Variants in PPIH observed in about 807,000 individuals in gnomAD.
The protein encoded by PPIH is peptidyl-prolyl cis-trans isomerase H.
PPIH carries 16 observed loss-of-function variants against 27.6 expected under a neutral mutation model. The observed-to-expected ratio is 0.58, with a 90% CI of 0.39 to 0.88. The LOEUF (loss-of-function observed/expected upper bound fraction) is 0.88. Among genes scored for constraint, PPIH ranks in the 40% least tolerant of loss-of-function variants. The pLI, the probability that PPIH is intolerant of heterozygous loss-of-function variation, is 0.00. For synonymous variants in PPIH, 63 were observed against 76.1 expected (o/e 0.83, Z 0.90); for missense variants, 155 against 224.1 (o/e 0.69, Z 1.97).
intron 9 of PPIH, among the ~76,000 whole-genome samples, chr1:42,676,203 C>T (rs1649873763): frequency 6.6e-6 from 1 of 152,024 alleles, no homozygotes. Flanking sequence ...GGCACGGTGG[C>T]TCATCCCTGT....
intron 9 of PPIH, among the ~76,000 whole-genome samples, chr1:42,675,927 G>T (rs530478003): frequency 1.3e-5 from 2 of 152,240 alleles, no homozygotes; most frequent in South Asian, 4.1e-4. Context: ...GTCTAATTCT[G>T]TGACTTCAGT....
intron 9 of PPIH, among the ~76,000 whole-genome samples, chr1:42,670,781 A>C (rs1044150858): frequency 1.3e-5 from 2 of 151,968 alleles, no homozygotes; most frequent in African/African-American, 4.8e-5. Context: ...TAAACTGTTA[A>C]CTTTTTATTT....
intron 5 of PPIH, among the ~76,000 whole-genome samples, chr1:42,664,486 G>A (rs1467895155): frequency 6.6e-6 from 1 of 152,196 alleles, no homozygotes; most frequent in African/African-American, 2.4e-5. Flanking sequence ...GGGGAATGGG[G>A]TGGTAGTCAC....
Position 42,658,858 on chromosome 1 carries a change from G to T in PPIH, c.81G>T (p.Met27Ile), listed in dbSNP as rs780070320. ...VSIGGQEVGRMKIELFADVVP... is the reference protein window; with the variant it reads ...VSIGGQEVGRIKIELFADVVP... ...GCTGATTGCAGGAAGTTGGCCGCATGAAGATCGAGCTCTTTGCAGACGTTG... is the reference window on the plus strand; with the variant it reads ...GCTGATTGCAGGAAGTTGGCCGCATTAAGATCGAGCTCTTTGCAGACGTTG... Residue 27 changes from methionine to isoleucine, a missense_variant, in exon 2 of 10, where the codon ATG (methionine) becomes ATT (isoleucine). By Grantham distance (10) the Met-to-Ile change is conservative. This residue lies in a region of PPIH where 59 missense variants were observed against 48.8 expected (regional missense o/e 1.21). Coordinates refer to ENST00000304979, the MANE Select transcript of PPIH (RefSeq NM_006347.4). The T allele has an allele frequency of 6.2e-7, 1 of 1,614,252 alleles. No homozygotes were observed. The highest frequency in any genetic ancestry group is 2.2e-5 in the East Asian group (1 of 44,878).
In PPIH at chr1:42,666,531, C is replaced by A; in HGVS notation, c.425-16C>A. 1 of 1,612,922 alleles carries A rather than the reference C, an allele frequency of 6.2e-7. No homozygotes were observed. Among genetic ancestry groups the A allele is most frequent in the Non-Finnish European group, 8.5e-7 (1 of 1,178,986 alleles). On this transcript the variant is annotated splice_polypyrimidine_tract_variant and intron_variant, in intron 7 of 9. Coordinates refer to ENST00000304979, the MANE Select transcript of PPIH (RefSeq NM_006347.4). ...ATGTAAACAAGAATAAAGTCCAGCT[C>A]ATGCTCTTCCTACAGGAAAAATCAT... is the stretch of plus-strand genomic sequence containing the variant.
chr1:42,665,433 C>T (rs187424029), intron 6 of PPIH, among the ~76,000 whole-genome samples: 1 of 152,098 alleles, frequency 6.6e-6, no homozygotes, highest in African/African-American at 2.4e-5. Context: ...GAAAAGAAAA[C>T]CAGTAGGTAA....
intron 4 of PPIH, 84 bp downstream of exon 4, chr1:42,659,650 G>A (rs1283286698): frequency 1.3e-6 from 2 of 1,526,580 alleles, no homozygotes; most frequent in African/African-American, 2.8e-5. Flanking sequence ...TAAAACCAGA[G>A]GGTAATTCTT....
At chr1:42,659,125 T>A in intron 2 of PPIH, 103 bp from the exon 3 acceptor site, 6 of 1,547,120 alleles carry the variant, frequency 3.9e-6, no homozygotes, top group Non-Finnish European at 5.3e-6. Context: ...GGCTGGCCGA[T>A]TGGTGGACTT....
chr1:42,666,789 G>C (rs999553032), intron 8 of PPIH, among the ~76,000 whole-genome samples: 4 of 152,144 alleles, frequency 2.6e-5, no homozygotes, highest in African/African-American at 9.7e-5. Context: ...TTGCCTACTT[G>C]ATAAAATTCT....
downstream of PPIH, chr1:42,681,625 G>A (rs1650019752): frequency 6.6e-6 from 1 of 152,216 alleles, no homozygotes; most frequent in Non-Finnish European, 1.5e-5. Context: ...AAACAGGCTA[G>A]CTTGTTCAAT....
intron 7 of PPIH, 48 bp downstream of exon 7, chr1:42,666,115 G>A (rs1376634716): frequency 1.9e-6 from 3 of 1,542,988 alleles, no homozygotes; most frequent in Admixed American, 1.7e-5. Flanking sequence ...CACCCTGGAT[G>A]GAACCTCCAG....
chr1:42,670,545 A>G (rs1649571910), intron 9 of PPIH, among the ~76,000 whole-genome samples: 1 of 151,914 alleles, frequency 6.6e-6, no homozygotes, highest in Non-Finnish European at 1.5e-5. Context: ...ACTGTTAGCA[A>G]AAGTTATATG....
At chr1:42,665,360 G>GC (rs1254909069) in intron 6 of PPIH, among the ~76,000 whole-genome samples, 2 of 152,042 alleles carry the variant, frequency 1.3e-5, no homozygotes, top group African/African-American at 4.8e-5. Context: ...AGCTGAGATT[G>GC]CCCCACTGCA....
intron 8 of PPIH, among the ~76,000 whole-genome samples, chr1:42,666,992 C>T (rs894943575): frequency 2.3e-4 from 35 of 152,246 alleles, no homozygotes; most frequent in African/African-American, 8.2e-4. Context: ...TTCCTCTAGC[C>T]GGAATGCTCT....
intron 9 of PPIH, among the ~76,000 whole-genome samples, chr1:42,674,723 G>C (rs1649800410): frequency 6.6e-6 from 1 of 152,222 alleles, no homozygotes; most frequent in African/African-American, 2.4e-5. Flanking sequence ...TGCAGTAGTA[G>C]TCCAGGCAAG....
In PPIH at chr1:42,674,636, G is replaced by A. The variant is rs947553816; in HGVS notation, c.*22-1948G>A. ...ACTTAAGGATTTTCAGCAGAATACTGTAGATGAATTTTCATGTTCAGAAGA... is the reference window on the plus strand; with the variant it reads ...ACTTAAGGATTTTCAGCAGAATACTATAGATGAATTTTCATGTTCAGAAGA... On this transcript the variant is annotated intron_variant, in intron 9 of 9. Coordinates refer to ENST00000304979, the MANE Select transcript of PPIH (RefSeq NM_006347.4). 2.0e-5 allele frequency among the ~76,000 whole-genome samples: 3 copies of A among 152,230 alleles called. No individual in the cohort carries two copies. The East Asian group carries it at 5.8e-4, about 29-fold the overall frequency.
At chr1:42,674,799 T>C (rs1197944661) in intron 9 of PPIH, among the ~76,000 whole-genome samples, 1 of 152,250 alleles carries the variant, frequency 6.6e-6, no homozygotes, top group Admixed American at 6.5e-5. Flanking sequence ...CAAATATTTA[T>C]GTGCCTGCTG....
At chr1:42,677,258 G>C (rs1649918939), downstream of PPIH, among the ~76,000 whole-genome samples, 1 of 152,164 alleles carries the variant, frequency 6.6e-6, no homozygotes, top group African/African-American at 2.4e-5. Context: ...CAGATCACTT[G>C]AGGCCAGGAG....
chr1:42,677,501 C>G (rs892790018), downstream of PPIH, among the ~76,000 whole-genome samples: 2 of 151,800 alleles, frequency 1.3e-5, no homozygotes, highest in Non-Finnish European at 2.9e-5. Flanking sequence ...TGAAAGGAAA[C>G]AGTTCAACAT....
Sources: gnomAD v4.1 joint callset for allele counts (sites outside exome capture counted in the v4.1 genomes callset) on GRCh38, gnomAD v4.1.1 for gene constraint, gnomAD v4.1.1 regional missense constraint, MANE v1.5 for transcripts, NCBI Gene and HGNC (gene_info 2026-07-23, HGNC 2026-07-21) for gene names.